Variants in CELF5 observed in about 807,000 individuals in gnomAD.
The protein encoded by CELF5 is CUGBP Elav-like family member 5, also known as CUG-BP and ETR-3 like factor 5.
Under a neutral mutation model 54.9 loss-of-function variants are expected in CELF5, and 6 were observed. The observed-to-expected ratio is 0.11, with a 90% CI of 0.06 to 0.22. The LOEUF is 0.22. Ranked by LOEUF, CELF5 falls within the 10% of genes least tolerant of loss-of-function variation. The pLI, the probability that CELF5 is intolerant of heterozygous loss-of-function variation, is 1.00. For missense variants in CELF5, 401 were observed against 678.6 expected, an observed-to-expected ratio of 0.59 and a Z score of 4.54; for synonymous variants, 271 against 290.9, an observed-to-expected ratio of 0.93 and a Z score of 0.70.
At chr19:3,254,624 T>A (rs918090949) in intron 2 of CELF5, among the ~76,000 whole-genome samples, 1 of 149,056 alleles carries the variant, frequency 6.7e-6, no homozygotes, top group Non-Finnish European at 1.5e-5. Context: ...CATCTACTCA[T>A]TACCTACCCA....
chr19:3,287,768 C>A (rs1328078973), intron 10 of CELF5, among the ~76,000 whole-genome samples: 3 of 151,528 alleles, frequency 2.0e-5, no homozygotes, highest in Non-Finnish European at 4.4e-5. Context: ...AACAAAACAA[C>A]AACAAAATCA....
intron 1 of CELF5, among the ~76,000 whole-genome samples, chr19:3,248,310 C>T (rs1766054912): frequency 6.6e-6 from 1 of 152,076 alleles, no homozygotes; most frequent in African/African-American, 2.4e-5. Flanking sequence ...CGAGAGTCAC[C>T]TTGCCTGGCC....
intron 2 of CELF5, among the ~76,000 whole-genome samples, chr19:3,257,611 G>A (rs2079746867): frequency 6.6e-6 from 1 of 150,614 alleles, no homozygotes. Flanking sequence ...GAGTAGCTGG[G>A]ATTACAGGCA....
At chr19:3,271,045 G>A (rs1020272539) in intron 2 of CELF5, among the ~76,000 whole-genome samples, 11 of 152,126 alleles carry the variant, frequency 7.2e-5, no homozygotes, top group Non-Finnish European at 1.3e-4. Context: ...TGCAAGGCAG[G>A]AGCTGGGCTC....
chr19:3,238,282 C>T (rs942670971), intron 1 of CELF5, among the ~76,000 whole-genome samples: 7 of 152,182 alleles, frequency 4.6e-5, no homozygotes, highest in African/African-American at 1.4e-4. Context: ...CTGGTTCAAA[C>T]GCTTCTGACA....
intron 1 of CELF5, chr19:3,225,480 C>CCATAAAT: frequency 1.5e-6 from 1 of 670,804 alleles, no homozygotes; most frequent in South Asian, 6.7e-5. Flanking sequence ...CCCCCACCCC[C>CCATAAAT]ATTCATTCAG....
intron 10 of CELF5, among the ~76,000 whole-genome samples, chr19:3,288,278 T>C (rs2080286008): frequency 1.3e-5 from 2 of 151,914 alleles, no homozygotes; most frequent in African/African-American, 4.8e-5. Context: ...TCCCAGCACT[T>C]TGGGAGGCTG....
At chr19:3,285,714 C>A (rs1405736399) in intron 9 of CELF5, among the ~76,000 whole-genome samples, 1 of 137,666 alleles carries the variant, frequency 7.3e-6, no homozygotes, top group African/African-American at 2.7e-5. Flanking sequence ...TGCCCTCCAC[C>A]ATGGCCCCGC....
In CELF5 at chr19:3,293,419, G is replaced by A. The variant is rs747018949; in HGVS notation, c.1431G>A (p.Arg477=). Residue 477 remains arginine, a synonymous_variant, in exon 12 of 13, where the codon CGG becomes CGA. Transcript: ENST00000292672. ...GMKRLKVQLK[R]PKDPGHPY is the part of the protein sequence containing the mutation. ...AGAGGCTCAAAGTCCAGCTGAAGCG[G>A]CCCAAAGACCCGGGACACCCCTACT... 1 of 1,614,098 alleles carries A rather than the reference G, an allele frequency of 6.2e-7. No homozygotes were observed. The highest frequency in any genetic ancestry group is 1.1e-5 in the South Asian group (1 of 91,086).
intron 12 of CELF5, chr19:3,294,136 A>C (rs758962379): frequency 2.0e-5 from 3 of 152,258 alleles, no homozygotes; most frequent in Non-Finnish European, 4.4e-5. Flanking sequence ...AAGAAAAACA[A>C]GCAAAACGAA....
In CELF5 at chr19:3,275,350, T is replaced by C. The variant is rs2080030077; in HGVS notation, c.395-506T>C. 6.6e-6 allele frequency among the ~76,000 whole-genome samples: 1 copy of C among 152,176 alleles called. No individual in the cohort carries two copies. The highest frequency in any genetic ancestry group is 1.5e-5 in the Non-Finnish European group (1 of 68,034). ...ATGGTGACTGCCTGGCCCCTCTTGA[T>C]CCCGACAAAGTTGGGCAGGGGCCTC... On this transcript the variant is annotated intron_variant, in intron 3 of 12. Coordinates refer to ENST00000292672, the MANE Select transcript of CELF5 (RefSeq NM_021938.4). This position sits in a 1 kb window ranked among gnomAD's most constrained non-coding sequence, Gnocchi z 6.7.
chr19:3,289,461 C>A (rs918778864), intron 10 of CELF5, among the ~76,000 whole-genome samples: 1 of 151,902 alleles, frequency 6.6e-6, no homozygotes, highest in African/African-American at 2.4e-5. Context: ...GCGGGCAGAT[C>A]ACTTGAGGTC....
At chr19:3,292,674 AGGAGAG>A (rs1414488546) in intron 11 of CELF5, among the ~76,000 whole-genome samples, 14 of 152,056 alleles carry the variant, frequency 9.2e-5, no homozygotes, top group Non-Finnish European at 1.5e-5. Flanking sequence ...ATGAGACAGA[AGGAGAG>A]GGAGAGGAAG....
chr19:3,286,065 C>T, intron 10 of CELF5, 40 bp downstream of exon 10: 2 of 1,485,508 alleles, frequency 1.3e-6, no homozygotes, highest in Non-Finnish European at 1.8e-6. Flanking sequence ...CAGCCCCGCC[C>T]TCTGCCCGCC....
At chr19:3,236,709 G>A (rs547116185) in intron 1 of CELF5, among the ~76,000 whole-genome samples, 2 of 152,280 alleles carry the variant, frequency 1.3e-5, no homozygotes, top group South Asian at 4.1e-4. Context: ...TCTAGGCCAG[G>A]CGCGATGGCT....
At chr19:3,243,888 A>AT (rs1420002790) in intron 1 of CELF5, among the ~76,000 whole-genome samples, 2 of 150,212 alleles carry the variant, frequency 1.3e-5, no homozygotes, top group Non-Finnish European at 3.0e-5. Context: ...CTATTTTTCC[A>AT]TTTTTTATAA....
chr19:3,276,260 G>T, intron 4 of CELF5, among the ~76,000 whole-genome samples: 2 of 124,310 alleles, frequency 1.6e-5, no homozygotes, highest in South Asian at 3.1e-4. Context: ...GTGGGGCAGG[G>T]CCCTGGGGAG....
At chr19:3,232,534 G>A (rs1349434010) in intron 1 of CELF5, among the ~76,000 whole-genome samples, 1 of 151,968 alleles carries the variant, frequency 6.6e-6, no homozygotes, top group Non-Finnish European at 1.5e-5. Flanking sequence ...ATAGAGTGAG[G>A]CCCTTTACAG....
intron 2 of CELF5, among the ~76,000 whole-genome samples, chr19:3,263,726 G>A (rs2079840238): frequency 6.6e-6 from 1 of 152,054 alleles, no homozygotes; most frequent in Admixed American, 6.6e-5. Context: ...CCAACATAGT[G>A]AAACCCCGTC....
Sources: allele counts gnomAD v4.1 joint callset (sites outside exome capture counted in the v4.1 genomes callset), GRCh38; gene constraint gnomAD v4.1.1; non-coding constraint Gnocchi (gnomAD v3.1); transcripts MANE v1.5; gene names NCBI Gene and HGNC (gene_info 2026-07-23, HGNC 2026-07-21).